Variants in HNF4A observed in about 807,000 individuals in gnomAD.
HNF4A encodes hepatocyte nuclear factor 4-alpha.
A neutral mutation model predicts 52.4 loss-of-function variants in HNF4A; 15 were observed. That is an observed-to-expected ratio of 0.29 (90% CI 0.19 to 0.44). The LOEUF is 0.44. HNF4A is among the 20% of genes least tolerant of loss of function. HNF4A has a pLI of 1.00. For synonymous variants in HNF4A, 280 were observed against 264.4 expected (o/e 1.06, Z -0.57); for missense variants, 479 against 647.2 (o/e 0.74, Z 2.82).
rs1475756179 is a variant in HNF4A, at chr20:44,431,618, A to T, written c.*1953A>T. ...TAGACCCCAGGATGGAGCGACCAGC[A>T]TGTCATCCATGTGGAATCTTGGTGG... is the stretch of plus-strand genomic sequence containing the variant. On this transcript the variant is annotated 3_prime_UTR_variant, in exon 10 of 10. Coordinates refer to ENST00000316099, the MANE Select transcript of HNF4A (RefSeq NM_000457.6). 1.3e-4 allele frequency: 20 copies of T among 152,176 alleles called. No homozygotes were observed. Among genetic ancestry groups the T allele is most frequent in the Admixed American group, 1.3e-3 (20 of 15,268 alleles). 9.4% of individuals were successfully genotyped at this position (152,176 alleles called of 1,614,324 possible).
intron 7 of HNF4A, 32 bp downstream of exon 7, chr20:44,419,908 C>G: frequency 6.2e-7 from 1 of 1,609,938 alleles, no homozygotes; most frequent in Admixed American, 1.7e-5. Flanking sequence ...CCATCCCTGA[C>G]TCTCTCTCCA....
chr20:44,365,513 G>A (rs1351809278), intron 1 of HNF4A, among the ~76,000 whole-genome samples: 1 of 152,040 alleles, frequency 6.6e-6, no homozygotes, highest in Non-Finnish European at 1.5e-5. Context: ...AAAGTGCATA[G>A]ATAGATACAG....
intron 1 of HNF4A, among the ~76,000 whole-genome samples, chr20:44,357,648 T>C (rs1271913698): frequency 2.0e-5 from 3 of 152,146 alleles, no homozygotes; most frequent in African/African-American, 4.8e-5. Flanking sequence ...GTCATACTCA[T>C]TATATAGCAA....
Position 44,424,063 on chromosome 20 carries a change from C to A in HNF4A, c.938C>A (p.Ser313Tyr). ...CCAGGGAAGATCAAGCGGCTGCGTT[C>A]CCAGGTGCAGGTGAGCTTGGAGGAC... The change falls in exon 8 of 10, where the codon TCC (serine) becomes TAC (tyrosine). Residue 313 changes from serine to tyrosine, a missense_variant. Physicochemically the swap from Ser to Tyr is moderately radical, Grantham distance 144. Transcript: ENST00000316099. 6.2e-7 allele frequency: 1 copy of A among 1,613,296 alleles called. No homozygotes were observed. The highest frequency in any genetic ancestry group is 8.5e-7 in the Non-Finnish European group (1 of 1,179,972).
At chr20:44,408,496 A>T (rs980368779) in intron 3 of HNF4A, among the ~76,000 whole-genome samples, 9 of 152,186 alleles carry the variant, frequency 5.9e-5, no homozygotes, top group African/African-American at 2.2e-4. Flanking sequence ...AGGCCGAGGC[A>T]GGCAAATCAT....
At chr20:44,364,127 A>G (rs1341875451) in intron 1 of HNF4A, among the ~76,000 whole-genome samples, 1 of 152,190 alleles carries the variant, frequency 6.6e-6, no homozygotes, top group African/African-American at 2.4e-5. Context: ...GGACGTGTTC[A>G]AATGGACTAG....
chr20:44,387,605 G>C (rs1016256662), intron 1 of HNF4A, among the ~76,000 whole-genome samples: 2 of 141,474 alleles, frequency 1.4e-5, no homozygotes, highest in Non-Finnish European at 3.1e-5. Flanking sequence ...TGAAGAGTAG[G>C]GGGTAGGGAA....
chr20:44,408,658 A>G (rs568682108), intron 3 of HNF4A, among the ~76,000 whole-genome samples: 1 of 152,198 alleles, frequency 6.6e-6, no homozygotes, highest in Admixed American at 6.5e-5. Flanking sequence ...ACCCAAGAGG[A>G]GGCGGTTGCA....
intron 1 of HNF4A, among the ~76,000 whole-genome samples, chr20:44,394,861 C>T (rs1393295984): frequency 6.6e-6 from 1 of 152,204 alleles, no homozygotes; most frequent in Admixed American, 6.5e-5. Flanking sequence ...AATCAACAGG[C>T]TCAGCAATGA....
intron 1 of HNF4A, among the ~76,000 whole-genome samples, chr20:44,377,584 G>A (rs1272219848): frequency 6.6e-6 from 1 of 152,130 alleles, no homozygotes; most frequent in Non-Finnish European, 1.5e-5. Context: ...GCAACATGGT[G>A]AAACCCTATC....
At chr20:44,363,061 C>T (rs906721302) in intron 1 of HNF4A, among the ~76,000 whole-genome samples, 1 of 151,732 alleles carries the variant, frequency 6.6e-6, no homozygotes, top group African/African-American at 2.4e-5. Context: ...TCACCATGTT[C>T]GCCAGGCTAG....
intron 5 of HNF4A, among the ~76,000 whole-genome samples, chr20:44,416,970 T>C (rs1446168014): frequency 2.6e-5 from 4 of 152,148 alleles, no homozygotes; most frequent in Non-Finnish European, 5.9e-5. Context: ...CTGTGTCCTC[T>C]GTACTTATTT....
intron 1 of HNF4A, among the ~76,000 whole-genome samples, chr20:44,364,156 C>T (rs1486378170): frequency 6.6e-6 from 1 of 152,120 alleles, no homozygotes; most frequent in Non-Finnish European, 1.5e-5. Flanking sequence ...CTCTCCCCAC[C>T]CTTCAACCTC....
intron 1 of HNF4A, among the ~76,000 whole-genome samples, chr20:44,375,953 ATAGGATTC>A (rs1204624754): frequency 6.6e-6 from 1 of 152,182 alleles, no homozygotes; most frequent in Non-Finnish European, 1.5e-5. Context: ...CTTTTAAAAA[ATAGGATTC>A]TAGGGCCGGG....
chr20:44,393,367 T>C (rs985038873), intron 1 of HNF4A, among the ~76,000 whole-genome samples: 1 of 152,310 alleles, frequency 6.6e-6, no homozygotes, highest in Middle Eastern at 3.4e-3. Context: ...CTGATCATTC[T>C]CCAGACCATA....
At chr20:44,409,173 A>AT (rs2063545943) in intron 3 of HNF4A, among the ~76,000 whole-genome samples, 1 of 152,150 alleles carries the variant, frequency 6.6e-6, no homozygotes, top group Admixed American at 6.5e-5. Context: ...GAACGCTGCA[A>AT]TTCTAACATC....
In HNF4A at chr20:44,430,089, T is replaced by G; in HGVS notation, c.*424T>G. ...GTGTCCAGACAGAGCCCTGTGAGGCTGGGTCCAATTGTGGCACTTGGGGCA... is the reference window on the plus strand; with the variant it reads ...GTGTCCAGACAGAGCCCTGTGAGGCGGGGTCCAATTGTGGCACTTGGGGCA... On this transcript the variant is annotated 3_prime_UTR_variant, in exon 10 of 10. Coordinates refer to ENST00000316099, the MANE Select transcript of HNF4A (RefSeq NM_000457.6). 6.0e-6 allele frequency: 1 copy of G among 166,892 alleles called. No homozygotes were observed. The highest frequency in any genetic ancestry group is 1.3e-5 in the Non-Finnish European group (1 of 77,760). The allele number at this position is 166,892 out of a possible 1,614,324, so 10.3% of individuals were successfully genotyped here. A position where few individuals can be genotyped will look rare whatever the true frequency, so the allele number is the denominator to read the frequency against.
At chr20:44,365,766 G>T (rs998909564) in intron 1 of HNF4A, among the ~76,000 whole-genome samples, 1 of 152,168 alleles carries the variant, frequency 6.6e-6, no homozygotes, top group Non-Finnish European at 1.5e-5. Flanking sequence ...CAGCACTTTG[G>T]GAGGCTGAGG....
intron 1 of HNF4A, among the ~76,000 whole-genome samples, chr20:44,364,633 C>A (rs1385468521): frequency 2.6e-5 from 4 of 152,076 alleles, no homozygotes; most frequent in African/African-American, 9.7e-5. Flanking sequence ...CCGCGGCCAG[C>A]TACTTTTTGT....
Sources: allele counts gnomAD v4.1 joint callset (sites outside exome capture counted in the v4.1 genomes callset), GRCh38; gene constraint gnomAD v4.1.1; transcripts MANE v1.5; gene names NCBI Gene and HGNC (gene_info 2026-07-23, HGNC 2026-07-21).